PTPRS: variants seen among roughly 807,000 people sequenced by gnomAD.
The protein encoded by PTPRS is protein tyrosine phosphatase receptor type S, also known as receptor-type tyrosine-protein phosphatase S.
Under a neutral mutation model 215.3 loss-of-function variants are expected in PTPRS, and 63 were observed. The ratio of observed to expected loss-of-function variants is 0.29; its 90% confidence interval spans 0.24 to 0.36. The LOEUF (loss-of-function observed/expected upper bound fraction) is 0.36, where lower values mean the gene tolerates loss of function less well. PTPRS is among the 10% of genes least tolerant of loss of function. PTPRS has a pLI of 1.00. For missense variants in PTPRS, 2,258 were observed against 2,825.8 expected, an observed-to-expected ratio of 0.80 and a Z score of 4.56; for synonymous variants, 1,404 against 1,191.4, an observed-to-expected ratio of 1.18 and a Z score of -3.68.
At chr19:5,264,460 T>C (rs1281116354) in intron 5 of PTPRS, among the ~76,000 whole-genome samples, 3 of 152,230 alleles carry the variant, frequency 2.0e-5, no homozygotes, top group Non-Finnish European at 2.9e-5. Context: ...GCACTGCCGA[T>C]ACCCACCATC....
chr19:5,218,730 C>A (rs1214669991), intron 24 of PTPRS, 57 bp downstream of exon 24: 1 of 1,597,116 alleles, frequency 6.3e-7, no homozygotes, highest in East Asian at 2.2e-5. Flanking sequence ...ACTATCAGCC[C>A]ATTCCCTGTC....
At chr19:5,208,449 C>A in intron 35 of PTPRS, 58 bp from the exon 36 acceptor site, 1 of 1,399,140 alleles carries the variant, frequency 7.1e-7, no homozygotes. Context: ...GGGGGTTTTT[C>A]TCCATCCTCC....
In PTPRS at chr19:5,256,130, T is replaced by TA. The variant is rs756751075; in HGVS notation, c.707-12dup. The TA allele has an allele frequency of 1.3e-6, 2 of 1,522,638 alleles. No homozygotes were observed. The highest frequency in any genetic ancestry group is 1.8e-6 in the Non-Finnish European group (2 of 1,100,578). The allele number at this position is 1,522,638 out of a possible 1,614,324, so 94.3% of individuals were successfully genotyped here. A position where few individuals can be genotyped will look rare whatever the true frequency, so the allele number is the denominator to read the frequency against. On this transcript the variant is annotated splice_polypyrimidine_tract_variant and intron_variant, in intron 8 of 37. Coordinates refer to ENST00000262963, the MANE Select transcript of PTPRS (RefSeq NM_002850.4). ...AACCTTCTCGAAGCTCTGAGGGATGTAAAGGGGGTTTGATGCAGAACACAA... is the reference window on the plus strand; with the variant it reads ...AACCTTCTCGAAGCTCTGAGGGATGTAAAAGGGGGTTTGATGCAGAACACAA...
At chr19:5,303,291 G>A (rs898479886) in intron 1 of PTPRS, among the ~76,000 whole-genome samples, 7 of 152,112 alleles carry the variant, frequency 4.6e-5, no homozygotes, top group South Asian at 2.1e-4. Context: ...CAAGGAAACC[G>A]AGGCACAAAC....
intron 19 of PTPRS, 24 bp downstream of exon 19, chr19:5,222,099 T>G: frequency 6.3e-7 from 1 of 1,594,138 alleles, no homozygotes; most frequent in African/African-American, 1.3e-5. Context: ...CCTGCCTGCC[T>G]GCCTGCTGGC....
At chr19:5,304,643 C>T (rs546259263) in intron 1 of PTPRS, among the ~76,000 whole-genome samples, 2 of 152,066 alleles carry the variant, frequency 1.3e-5, no homozygotes, top group South Asian at 4.2e-4. Context: ...GGGGAGACTC[C>T]GTTTCTAAAA....
At position 5,287,482 on chromosome 19, in the gene PTPRS, T is replaced by A. The variant is rs1163446313; in HGVS notation, c.-94-1248A>T. 1.3e-5 allele frequency among the ~76,000 whole-genome samples: 2 copies of A among 152,086 alleles called. No individual in the cohort carries two copies. The highest frequency in any genetic ancestry group is 2.9e-5 in the Non-Finnish European group (2 of 67,998). ...CCCCATCTCCCCAATCTCCACTCTG[T>A]CCAGAGCCAGGTCAGAGGGCCAGGG... On this transcript the variant is annotated intron_variant, in intron 1 of 37. Transcript: ENST00000262963. This position sits in a 1 kb window ranked among gnomAD's most constrained non-coding sequence, Gnocchi z 4.8.
At chr19:5,300,132 A>G (rs1202832172) in intron 1 of PTPRS, among the ~76,000 whole-genome samples, 2 of 151,548 alleles carry the variant, frequency 1.3e-5, no homozygotes, top group African/African-American at 4.9e-5. Flanking sequence ...CCTTAGCTAC[A>G]TGGGAGGCTG....
At chr19:5,212,311 G>A in intron 31 of PTPRS, 26 bp downstream of exon 31, 4 of 1,610,952 alleles carry the variant, frequency 2.5e-6, no homozygotes, top group Non-Finnish European at 3.4e-6. Context: ...GGGGGAAGCG[G>A]ATGGGGCAGA....
At chr19:5,329,595 C>T (rs915162625) in intron 1 of PTPRS, among the ~76,000 whole-genome samples, 1 of 151,542 alleles carries the variant, frequency 6.6e-6, no homozygotes. Flanking sequence ...GAAACTCTGT[C>T]TCTACTAAAA....
rs200853371 is a variant in PTPRS at position 5,265,081 on chromosome 19, C to T, written c.495G>A (p.Glu165=). Residue 165 remains glutamate (E), a synonymous_variant, in exon 5 of 38, where the codon GAG becomes GAA. Coordinates refer to ENST00000262963, the MANE Select transcript of PTPRS (RefSeq NM_002850.4). ...GCAGGAAGTCCTTGAACCAGGTGAT[C>T]TCAGGGTCAGGGTTGCCGCTGGCTG... ...LCAASGNPDP[E]ITWFKDFLPV... is the part of the protein sequence containing the mutation. The T allele has an allele frequency of 2.0e-5, 33 of 1,614,052 alleles. No individual in the cohort carries two copies. The Middle Eastern group carries it at 6.6e-4, about 32-fold the overall frequency.
chr19:5,275,615 G>A (rs2047299885), intron 2 of PTPRS, among the ~76,000 whole-genome samples: 1 of 151,996 alleles, frequency 6.6e-6, no homozygotes, highest in Admixed American at 6.6e-5. Context: ...AGACCAGCCT[G>A]ACCAACATGG....
At chr19:5,255,267 T>A (rs2045461250) in intron 9 of PTPRS, among the ~76,000 whole-genome samples, 1 of 152,218 alleles carries the variant, frequency 6.6e-6, no homozygotes, top group Non-Finnish European at 1.5e-5. Flanking sequence ...TCTGACCTCC[T>A]GCCATCTGTC....
intron 2 of PTPRS, among the ~76,000 whole-genome samples, chr19:5,277,185 A>G (rs1013437908): frequency 1.3e-5 from 2 of 151,308 alleles, no homozygotes; most frequent in Non-Finnish European, 2.9e-5. Flanking sequence ...TCAGCCTCCC[A>G]AGTAGCTGGG....
At chr19:5,288,505 C>T (rs900808891) in intron 1 of PTPRS, among the ~76,000 whole-genome samples, 3 of 152,192 alleles carry the variant, frequency 2.0e-5, no homozygotes, top group Non-Finnish European at 4.4e-5. Context: ...AAGTTGCCAA[C>T]GAGGAAGGCG....
chr19:5,323,954 G>A (rs1004037302), intron 1 of PTPRS, among the ~76,000 whole-genome samples: 1 of 152,130 alleles, frequency 6.6e-6, no homozygotes. Context: ...TGAAGGCCAC[G>A]TGCAGTGGCT....
chr19:5,250,083 T>A (rs1455290280), intron 9 of PTPRS, among the ~76,000 whole-genome samples: 1 of 152,188 alleles, frequency 6.6e-6, no homozygotes, highest in Non-Finnish European at 1.5e-5. Context: ...AATTTTAGGG[T>A]TCACAATCCC....
intron 12 of PTPRS, among the ~76,000 whole-genome samples, chr19:5,239,325 G>A (rs1334975359): frequency 6.6e-6 from 1 of 151,906 alleles, no homozygotes; most frequent in Non-Finnish European, 1.5e-5. Context: ...GAGAGAGACA[G>A]AGACAGAGAG....
chr19:5,218,360 G>C, intron 25 of PTPRS, 60 bp downstream of exon 25: 1 of 1,508,050 alleles, frequency 6.6e-7, no homozygotes, highest in Non-Finnish European at 9.1e-7. Context: ...GGCAGCTACT[G>C]CTTCTCCCCA....
Sources: gnomAD v4.1 joint callset for allele counts (sites outside exome capture counted in the v4.1 genomes callset) on GRCh38, gnomAD v4.1.1 for gene constraint, Gnocchi (gnomAD v3.1) non-coding constraint, MANE v1.5 for transcripts, NCBI Gene and HGNC (gene_info 2026-07-23, HGNC 2026-07-21) for gene names.